Variants in ARHGEF4 observed in about 807,000 individuals in gnomAD.
ARHGEF4 encodes the protein APC-stimulated guanine nucleotide exchange factor 1.
ARHGEF4 carries 119 observed loss-of-function variants against 162.0 expected under a neutral mutation model. That is an observed-to-expected ratio of 0.73 (90% CI 0.63 to 0.86). ARHGEF4 has a LOEUF of 0.86. ARHGEF4 is among the 40% of genes least tolerant of loss of function. The probability of loss-of-function intolerance (pLI) is 0.00; values close to 1 mark genes in which losing one functional copy is unlikely to be tolerated. For missense variants in ARHGEF4, 2,488 were observed against 2,456.0 expected (o/e 1.01, Z -0.28); for synonymous variants, 1,014 against 979.9 (o/e 1.03, Z -0.65).
intron 3 of ARHGEF4, among the ~76,000 whole-genome samples, chr2:130,944,686 G>A (rs1386364488): frequency 2.0e-5 from 3 of 151,912 alleles, no homozygotes; most frequent in Non-Finnish European, 4.4e-5. Flanking sequence ...TTAGAGCATG[G>A]TGATATAAGA....
chr2:130,988,185 T>C (rs1686646429), intron 4 of ARHGEF4, among the ~76,000 whole-genome samples: 1 of 152,224 alleles, frequency 6.6e-6, no homozygotes, highest in Non-Finnish European at 1.5e-5. Context: ...GCTCTGTCGG[T>C]GCCCGGTGAG....
intron 1 of ARHGEF4, among the ~76,000 whole-genome samples, chr2:130,867,652 A>G (rs980607176): frequency 9.2e-5 from 14 of 152,128 alleles, no homozygotes; most frequent in African/African-American, 3.1e-4. Context: ...AATTTCTCCC[A>G]CTTTCTGAGT....
intron 1 of ARHGEF4, among the ~76,000 whole-genome samples, chr2:130,901,075 C>A (rs1249239686): frequency 6.6e-6 from 1 of 152,152 alleles, no homozygotes; most frequent in African/African-American, 2.4e-5. Flanking sequence ...CACTCTGTCT[C>A]TGCCTCTGCC....
Position 130,992,323 on chromosome 2 carries a change from C to A in ARHGEF4, c.3986-35622C>A, listed in dbSNP as rs183082997. ...CCACACTGTGGAAGCTTTATTCTTT[C>A]GCTCTTTGCAATAAATCTTGCTACT... On this transcript the variant is annotated intron_variant, in intron 4 of 13. Transcript: ENST00000409359. 4.5e-3 allele frequency among the ~76,000 whole-genome samples: 679 copies of A among 151,670 alleles called. 5 individuals are homozygous for A. The highest frequency in any genetic ancestry group is 0.015 in the African/African-American group (634 of 41,520).
chr2:131,026,399 G>A (rs60114357), intron 4 of ARHGEF4, among the ~76,000 whole-genome samples: 7,116 of 152,190 alleles, frequency 0.047, 559 homozygotes, highest in African/African-American at 0.16. Flanking sequence ...AAGGACTTCC[G>A]TTCTTCAAAA....
At chr2:130,959,051 C>T (rs998631480) in intron 4 of ARHGEF4, among the ~76,000 whole-genome samples, 7 of 151,834 alleles carry the variant, frequency 4.6e-5, no homozygotes, top group Admixed American at 4.6e-4. Context: ...AAGTGATTCT[C>T]CTGCCTCAGC....
chr2:130,847,606 C>T (rs889355183), intron 1 of ARHGEF4, among the ~76,000 whole-genome samples: 19 of 152,214 alleles, frequency 1.2e-4, no homozygotes, highest in Admixed American at 2.6e-4. Context: ...GCTGTGGCCC[C>T]AGCTGCTTTT....
chr2:130,931,250 G>T lies in ARHGEF4; in HGVS notation c.3851G>T (p.Gly1284Val). ...CACATAGGGGCAGTGCACAAAGATG[G>T]AGTCAAGGTAAGCCACTCCCGGCCA... ...RLHIGAVHKD[G>V]VKCWRKTIIT... The change falls in exon 3 of 14, where the codon GGA becomes GTA. Residue 1284 changes from glycine (G) to valine (V), a missense_variant. Coordinates refer to ENST00000409359, the MANE Select transcript of ARHGEF4 (RefSeq NM_001367493.1). 6.2e-7 allele frequency: 1 copy of T among 1,605,082 alleles called. No individual in the cohort carries two copies. Among genetic ancestry groups the T allele is most frequent in the South Asian group, 1.1e-5 (1 of 90,394 alleles).
rs73960402 is a variant in ARHGEF4, at chr2:131,039,871, G to A, written c.4306-145G>A. On this transcript the variant is annotated intron_variant, in intron 6 of 13. Transcript: ENST00000409359. ...CCAGGACTTGCGTGGGTGGCGTGGT[G>A]GGGGGAGCTGGCCGGCCAGTCCTCA... 6 of 1,427,310 alleles carry A rather than the reference G, an allele frequency of 4.2e-6. No homozygotes were observed. The Admixed American group carries it at 8.9e-5, about 21-fold the overall frequency. 88.4% of individuals were successfully genotyped at this position (1,427,310 alleles called of 1,614,324 possible). A position where few individuals can be genotyped will look rare whatever the true frequency, so the allele number is the denominator to read the frequency against.
Position 130,916,526 on chromosome 2 carries a change from C to A in ARHGEF4, c.2580C>A (p.Val860=). Residue 860 remains valine (V), a synonymous_variant, in exon 2 of 14, where the codon GTC becomes GTA. Transcript: ENST00000409359. Reference sequence around the variant, plus strand: ...ACGCCAGCGCCTGGCCCGAGTTTGTCCCGCAGGCTGCAGGCGACAGGACTG... The same window carrying A: ...ACGCCAGCGCCTGGCCCGAGTTTGTACCGCAGGCTGCAGGCGACAGGACTG... The part of the protein sequence containing the change: ...HGDASAWPEF[V]PQAAGDRTAG... 6.5e-7 allele frequency: 1 copy of A among 1,549,604 alleles called. No homozygotes were observed. The highest frequency in any genetic ancestry group is 8.7e-7 in the Non-Finnish European group (1 of 1,146,850).
chr2:131,020,618 T>C (rs1290308899), intron 4 of ARHGEF4, among the ~76,000 whole-genome samples: 1 of 152,154 alleles, frequency 6.6e-6, no homozygotes, highest in Middle Eastern at 3.2e-3. Flanking sequence ...TGGTTCCAAG[T>C]CTTTGCTATT....
intron 1 of ARHGEF4, among the ~76,000 whole-genome samples, chr2:130,845,984 C>T (rs890083587): frequency 6.6e-6 from 1 of 152,202 alleles, no homozygotes; most frequent in African/African-American, 2.4e-5. Context: ...TTGCTGCTGA[C>T]TGTGCACCGG....
At chr2:131,028,230 G>A (rs1038494813) in intron 5 of ARHGEF4, 146 bp downstream of exon 5, 14 of 1,213,626 alleles carry the variant, frequency 1.2e-5, no homozygotes, top group Admixed American at 2.5e-5. Flanking sequence ...GTTTCAGCCT[G>A]CAGTCCTCAT....
chr2:131,022,928 A>G (rs1176704940), intron 4 of ARHGEF4, among the ~76,000 whole-genome samples: 3 of 151,876 alleles, frequency 2.0e-5, no homozygotes, highest in African/African-American at 7.3e-5. Context: ...CTCTTATCTG[A>G]CAAATAACTC....
At chr2:130,850,229 A>G (rs1681307043) in intron 1 of ARHGEF4, among the ~76,000 whole-genome samples, 1 of 152,090 alleles carries the variant, frequency 6.6e-6, no homozygotes, top group African/African-American at 2.4e-5. Context: ...GCCTCTTGGG[A>G]AGTGTGTGGG....
intron 4 of ARHGEF4, among the ~76,000 whole-genome samples, chr2:130,952,519 A>G (rs1415096399): frequency 2.6e-5 from 4 of 152,194 alleles, no homozygotes; most frequent in Non-Finnish European, 5.9e-5. Flanking sequence ...GGGATGCCCT[A>G]TCTCGCCACT....
chr2:130,877,209 G>A (rs1442727243), intron 1 of ARHGEF4, among the ~76,000 whole-genome samples: 2 of 152,206 alleles, frequency 1.3e-5, no homozygotes, highest in South Asian at 2.1e-4. Context: ...TGAGTACATA[G>A]CTTAGAGAAC....
chr2:130,864,461 A>T (rs1682122005), intron 1 of ARHGEF4, among the ~76,000 whole-genome samples: 1 of 152,026 alleles, frequency 6.6e-6, no homozygotes, highest in African/African-American at 2.4e-5. Context: ...ACGCTGGCTC[A>T]CGCCTATAAT....
rs116627539 is a variant in ARHGEF4 at position 130,925,266 on chromosome 2, G to A, written c.3553-5686G>A. Among the ~76,000 whole-genome samples the A allele has an allele frequency of 6.0e-3, 913 of 152,250 alleles. 8 individuals carry two copies. Among genetic ancestry groups the A allele is most frequent in the African/African-American group, 0.021 (881 of 41,534 alleles). ...TATTACATAAAGTAATCAAGACCAT[G>A]TAGTACTGGGGGAGGGAAAATTACA... On this transcript the variant is annotated intron_variant, in intron 2 of 13. Transcript: ENST00000409359.
Sources: gnomAD v4.1 joint callset for allele counts (sites outside exome capture counted in the v4.1 genomes callset) on GRCh38, gnomAD v4.1.1 for gene constraint, MANE v1.5 for transcripts, NCBI Gene and HGNC (gene_info 2026-07-23, HGNC 2026-07-21) for gene names.